Variants in FHIT observed in about 807,000 individuals in gnomAD.
The protein encoded by FHIT is bis(5'-adenosyl)-triphosphatase.
A neutral mutation model predicts 17.9 loss-of-function variants in FHIT; 19 were observed. That is an observed-to-expected ratio of 1.06 (90% confidence interval 0.74 to 1.56). FHIT has a LOEUF of 1.56. Among genes scored for constraint, FHIT ranks in the 40% most tolerant of loss-of-function variants. FHIT has a pLI of 0.00. For missense variants in FHIT, 248 were observed against 189.2 expected, an observed-to-expected ratio of 1.31 and a Z score of -1.82; for synonymous variants, 81 against 69.7, an observed-to-expected ratio of 1.16 and a Z score of -0.81.
At chr3:60,042,772 T>TA (rs934185661) in intron 5 of FHIT, among the ~76,000 whole-genome samples, 39 of 147,246 alleles carry the variant, frequency 2.6e-4, no homozygotes, top group South Asian at 8.6e-4. Context: ...CAGAGATGAG[T>TA]AAAAAAAAAA....
intron 5 of FHIT, among the ~76,000 whole-genome samples, chr3:60,183,936 T>TA (rs1702052557): frequency 6.6e-6 from 1 of 152,092 alleles, no homozygotes; most frequent in African/African-American, 2.4e-5. Flanking sequence ...CCATATATGA[T>TA]AGAGTTGTTA....
intron 7 of FHIT, among the ~76,000 whole-genome samples, chr3:59,986,709 A>AAT (rs1480032850): frequency 0.019 from 628 of 32,966 alleles, 141 homozygotes; most frequent in African/African-American, 0.051. Context: ...TATTTATATA[A>AAT]ATATATACAT....
intron 4 of FHIT, among the ~76,000 whole-genome samples, chr3:60,585,495 G>A (rs1304156345): frequency 1.3e-5 from 2 of 151,914 alleles, no homozygotes; most frequent in African/African-American, 4.8e-5. Context: ...TCCAAAGCTT[G>A]TTACACATTC....
At chr3:60,852,234 A>G (rs981171354) in intron 3 of FHIT, among the ~76,000 whole-genome samples, 3 of 152,098 alleles carry the variant, frequency 2.0e-5, no homozygotes, top group African/African-American at 7.2e-5. Context: ...TAACTGAAAC[A>G]CTGGCTCTTC....
chr3:60,879,100 C>T (rs1704832455), intron 3 of FHIT, among the ~76,000 whole-genome samples: 1 of 152,150 alleles, frequency 6.6e-6, no homozygotes, highest in Non-Finnish European at 1.5e-5. Context: ...GTTTACATTC[C>T]CACCAACAGT....
intron 8 of FHIT, among the ~76,000 whole-genome samples, chr3:59,808,044 T>C (rs1700270792): frequency 6.6e-6 from 1 of 152,128 alleles, no homozygotes; most frequent in Non-Finnish European, 1.5e-5. Context: ...ATTTTCATTA[T>C]CCCGAAGGGA....
chr3:60,054,253 C>T (rs973483689), intron 5 of FHIT, among the ~76,000 whole-genome samples: 11 of 151,924 alleles, frequency 7.2e-5, no homozygotes, highest in Admixed American at 6.6e-5. Flanking sequence ...CAGGTGAGAG[C>T]AAAAGAAAGA....
At chr3:60,623,295 C>A (rs1377742981) in intron 4 of FHIT, among the ~76,000 whole-genome samples, 1 of 152,188 alleles carries the variant, frequency 6.6e-6, no homozygotes, top group Non-Finnish European at 1.5e-5. Context: ...CAAGAAAGAA[C>A]TGTGCTACAT....
intron 2 of FHIT, among the ~76,000 whole-genome samples, chr3:61,067,742 C>T (rs1294124174): frequency 6.6e-6 from 1 of 152,150 alleles, no homozygotes; most frequent in Non-Finnish European, 1.5e-5. Flanking sequence ...GCTTCAAAAG[C>T]TCCAAGGTTA....
chr3:60,424,651 GTCTTC>G (rs1329002561), intron 5 of FHIT, among the ~76,000 whole-genome samples: 1 of 152,082 alleles, frequency 6.6e-6, no homozygotes, highest in Non-Finnish European at 1.5e-5. Context: ...AAAATTAGCT[GTCTTC>G]TCTTTGTTGT....
chr3:60,619,334 C>T (rs782164892), intron 4 of FHIT, among the ~76,000 whole-genome samples: 21 of 151,492 alleles, frequency 1.4e-4, no homozygotes, highest in South Asian at 6.3e-4. Context: ...AATGAAAATC[C>T]CAGCAACCTA....
intron 5 of FHIT, among the ~76,000 whole-genome samples, chr3:60,162,854 T>C (rs1353386046): frequency 3.3e-5 from 5 of 152,148 alleles, no homozygotes; most frequent in Non-Finnish European, 5.9e-5. Flanking sequence ...GGATTATAAT[T>C]GGAATTTTTG....
At chr3:61,014,031 G>A (rs1485767226) in intron 3 of FHIT, among the ~76,000 whole-genome samples, 4 of 152,148 alleles carry the variant, frequency 2.6e-5, no homozygotes, top group Non-Finnish European at 5.9e-5. Flanking sequence ...AAGGAGGGCA[G>A]ATGAGAAGAA....
intron 4 of FHIT, among the ~76,000 whole-genome samples, chr3:60,571,149 G>A (rs1209479193): frequency 2.7e-4 from 41 of 151,836 alleles, no homozygotes; most frequent in Non-Finnish European, 2.9e-5. Flanking sequence ...CCAACACGGT[G>A]ACATCCCATC....
At chr3:59,877,478 G>C (rs1703214941) in intron 8 of FHIT, among the ~76,000 whole-genome samples, 1 of 152,178 alleles carries the variant, frequency 6.6e-6, no homozygotes, top group African/African-American at 2.4e-5. Flanking sequence ...GGAAGGCCCA[G>C]AGCAGTGATC....
intron 8 of FHIT, among the ~76,000 whole-genome samples, chr3:59,766,315 G>C (rs1235807760): frequency 6.6e-6 from 1 of 152,218 alleles, no homozygotes; most frequent in Non-Finnish European, 1.5e-5. Context: ...TTTTCCTCAA[G>C]ATAGGAATCC....
At chr3:60,970,269 T>C (rs772480047) in intron 3 of FHIT, among the ~76,000 whole-genome samples, 17 of 152,226 alleles carry the variant, frequency 1.1e-4, no homozygotes, top group Non-Finnish European at 2.2e-4. Flanking sequence ...TATGTACCTA[T>C]ACATATAGCT....
intron 5 of FHIT, among the ~76,000 whole-genome samples, chr3:60,522,902 T>C (rs1004133670): frequency 4.6e-5 from 7 of 152,298 alleles, no homozygotes; most frequent in Admixed American, 3.9e-4. Context: ...CACCCAAGAC[T>C]GGGTAATTTA....
chr3:60,304,338 C>G (rs1708578544), intron 5 of FHIT, among the ~76,000 whole-genome samples: 1 of 151,840 alleles, frequency 6.6e-6, no homozygotes, highest in Non-Finnish European at 1.5e-5. Context: ...AGATCTCTAC[C>G]AGGAGAAAAG....
Sources: allele counts gnomAD v4.1 joint callset (sites outside exome capture counted in the v4.1 genomes callset), GRCh38; gene constraint gnomAD v4.1.1; transcripts MANE v1.5; gene names NCBI Gene and HGNC (gene_info 2026-07-23, HGNC 2026-07-21).